Variants in RFX3 observed in about 807,000 individuals in gnomAD.
The protein encoded by RFX3 is transcription factor RFX3.
Under a neutral mutation model 98.6 loss-of-function variants are expected in RFX3, and 14 were observed. The ratio of observed to expected loss-of-function variants is 0.14; its 90% confidence interval spans 0.09 to 0.22. The LOEUF is 0.22. Among genes scored for constraint, RFX3 ranks in the 10% least tolerant of loss-of-function variants. The pLI, the probability that RFX3 is intolerant of heterozygous loss-of-function variation, is 1.00. For synonymous variants in RFX3, 383 were observed against 328.4 expected (o/e 1.17, Z -1.80); for missense variants, 639 against 926.9 (o/e 0.69, Z 4.03).
At chr9:3,226,095 C>T (rs1586637673) in intron 16 of RFX3, among the ~76,000 whole-genome samples, 1 of 152,106 alleles carries the variant, frequency 6.6e-6, no homozygotes, top group African/African-American at 2.4e-5. Flanking sequence ...AGAGAAAATG[C>T]ACATATACAG....
In RFX3 at chr9:3,395,477, G is replaced by C. The variant is rs1840761800; in HGVS notation, c.112C>G (p.Gln38Glu). The C allele has an allele frequency of 1.2e-6, 2 of 1,613,906 alleles. No homozygotes were observed. The highest frequency in any genetic ancestry group is 1.7e-6 in the Non-Finnish European group (2 of 1,179,930). The change falls in exon 2 of 17, where the codon CAA becomes GAA. Residue 38 changes from glutamine to glutamate, a missense_variant. Around this residue, in one of 9 missense-constraint regions of RFX3, gnomAD observed 210 missense variants for 197.7 expected, o/e 1.06. Transcript: ENST00000617270. ...TAAGAGCAGCAGCTCCTTACCTGTT[G>C]TTGTACTGGTACTTGCTGTACCACC... ...TQVVQQVPVQQQVQQVQTVQQ... is the reference protein window; with the variant it reads ...TQVVQQVPVQEQVQQVQTVQQ...
intron 1 of RFX3, among the ~76,000 whole-genome samples, chr9:3,480,568 A>G (rs1239834485): frequency 6.6e-6 from 1 of 152,190 alleles, no homozygotes; most frequent in African/African-American, 2.4e-5. Flanking sequence ...AGATGACTGG[A>G]ATGGACACAA....
At chr9:3,349,249 T>C (rs948560070) in intron 2 of RFX3, among the ~76,000 whole-genome samples, 1 of 152,052 alleles carries the variant, frequency 6.6e-6, no homozygotes, top group Non-Finnish European at 1.5e-5. Context: ...TGAAATTTTA[T>C]GGTTTCAAAA....
At chr9:3,244,424 G>A (rs1275692632) in intron 15 of RFX3, among the ~76,000 whole-genome samples, 1 of 152,140 alleles carries the variant, frequency 6.6e-6, no homozygotes, top group East Asian at 1.9e-4. Context: ...CTGCTATGTA[G>A]GTGTTAGCTT....
intron 13 of RFX3, 125 bp from the exon 14 acceptor site, chr9:3,257,324 C>A: frequency 1.3e-6 from 1 of 750,532 alleles, no homozygotes; most frequent in Non-Finnish European, 2.1e-6. Context: ...TAAATGAATC[C>A]AGAAAATAAA....
At chr9:3,471,359 T>C (rs953521436) in intron 1 of RFX3, among the ~76,000 whole-genome samples, 1 of 152,232 alleles carries the variant, frequency 6.6e-6, no homozygotes, top group African/African-American at 2.4e-5. Context: ...TTAAATCACT[T>C]GCTCAAGGAT....
At chr9:3,260,822 T>C (rs2131181375) in intron 13 of RFX3, among the ~76,000 whole-genome samples, 1 of 150,640 alleles carries the variant, frequency 6.6e-6, no homozygotes, top group Non-Finnish European at 1.5e-5. Flanking sequence ...ATAGATGATA[T>C]TTTTTAAAAC....
At chr9:3,317,149 T>C (rs1285897381) in intron 4 of RFX3, among the ~76,000 whole-genome samples, 2 of 152,198 alleles carry the variant, frequency 1.3e-5, no homozygotes, top group African/African-American at 4.8e-5. Context: ...CAAAACAGCA[T>C]GGTACTGGAA....
intron 4 of RFX3, among the ~76,000 whole-genome samples, chr9:3,317,657 T>G (rs1227126218): frequency 6.6e-6 from 1 of 152,106 alleles, no homozygotes; most frequent in Non-Finnish European, 1.5e-5. Context: ...TACAAAGAAC[T>G]TAAAACAAAT....
chr9:3,279,681 C>T (rs932726410), intron 7 of RFX3, among the ~76,000 whole-genome samples: 45 of 151,834 alleles, frequency 3.0e-4, no homozygotes, highest in African/African-American at 1.1e-3. Flanking sequence ...AATCTAACTG[C>T]GCACAATGCT....
intron 15 of RFX3, among the ~76,000 whole-genome samples, chr9:3,238,168 A>G (rs1405432130): frequency 1.3e-5 from 2 of 152,170 alleles, no homozygotes; most frequent in South Asian, 2.1e-4. Flanking sequence ...TAAAACAGTA[A>G]AATTCCATTT....
chr9:3,394,683 A>G (rs1840675448), intron 2 of RFX3: 1 of 255,458 alleles, frequency 3.9e-6, no homozygotes, highest in Non-Finnish European at 6.1e-6. Context: ...TGTAAGAGCA[A>G]CGTTTGCTAA....
At chr9:3,409,317 T>C (rs1402887414) in intron 1 of RFX3, among the ~76,000 whole-genome samples, 2 of 152,228 alleles carry the variant, frequency 1.3e-5, no homozygotes, top group African/African-American at 2.4e-5. Flanking sequence ...TGTTAACCAA[T>C]TGAATTGGAT....
At chr9:3,445,025 G>A (rs950895943) in intron 1 of RFX3, among the ~76,000 whole-genome samples, 2 of 152,040 alleles carry the variant, frequency 1.3e-5, no homozygotes, top group Non-Finnish European at 2.9e-5. Context: ...TTGTACTTGG[G>A]GAGAAATACA....
intron 1 of RFX3, among the ~76,000 whole-genome samples, chr9:3,504,919 A>AT (rs1227771970): frequency 1.6e-5 from 1 of 62,276 alleles, no homozygotes; most frequent in African/African-American, 8.4e-5. Context: ...TATATAATAT[A>AT]ACATATATTA....
At chr9:3,288,401 T>C (rs149643552) in intron 6 of RFX3, 151 bp from the exon 7 acceptor site, 319 of 618,148 alleles carry the variant, frequency 5.2e-4, no homozygotes, top group East Asian at 7.8e-4. Context: ...CTGAATACTT[T>C]TATGTTTTTA....
At chr9:3,369,188 C>G (rs1837534804) in intron 2 of RFX3, among the ~76,000 whole-genome samples, 1 of 152,190 alleles carries the variant, frequency 6.6e-6, no homozygotes, top group African/African-American at 2.4e-5. Flanking sequence ...GGGTAACTTA[C>G]GAACAACAGA....
intron 15 of RFX3, among the ~76,000 whole-genome samples, chr9:3,245,796 G>A (rs547948186): frequency 5.3e-5 from 8 of 152,106 alleles, no homozygotes; most frequent in Admixed American, 1.3e-4. Context: ...GTGACTGGGA[G>A]TTATGGTGAT....
intron 14 of RFX3, among the ~76,000 whole-genome samples, chr9:3,255,493 C>G (rs80350456): frequency 2.0e-5 from 3 of 152,208 alleles, no homozygotes; most frequent in East Asian, 3.8e-4. Flanking sequence ...ACAGAATCTA[C>G]AGTAGAGACT....
Sources: gnomAD v4.1 joint callset for allele counts (sites outside exome capture counted in the v4.1 genomes callset) on GRCh38, gnomAD v4.1.1 for gene constraint, gnomAD v4.1.1 regional missense constraint, MANE v1.5 for transcripts, NCBI Gene and HGNC (gene_info 2026-07-23, HGNC 2026-07-21) for gene names.